FGF14: variants seen among roughly 807,000 people sequenced by gnomAD.
FGF14 encodes fibroblast growth factor homologous factor 4.
A neutral mutation model predicts 25.5 loss-of-function variants in FGF14; 5 were observed. The observed-to-expected ratio is 0.20, with a 90% CI of 0.10 to 0.41. FGF14 has a LOEUF of 0.41. Ranked by LOEUF, FGF14 falls within the 10% of genes least tolerant of loss-of-function variation. The pLI is 1.00. For missense variants in FGF14, 222 were observed against 320.1 expected (o/e 0.69, Z 2.34); for synonymous variants, 138 against 118.3 (o/e 1.17, Z -1.08).
At chr13:102,369,796 T>C (rs1411630864) in intron 1 of FGF14, among the ~76,000 whole-genome samples, 2 of 152,104 alleles carry the variant, frequency 1.3e-5, no homozygotes, top group Non-Finnish European at 2.9e-5. Flanking sequence ...AAATAGTACA[T>C]TGTGTTGTAT....
intron 3 of FGF14, among the ~76,000 whole-genome samples, chr13:101,800,526 A>T (rs1179943267): frequency 6.6e-6 from 1 of 152,204 alleles, no homozygotes; most frequent in East Asian, 1.9e-4. Flanking sequence ...TCAATTATTC[A>T]AAAACAGCAA....
intron 3 of FGF14, among the ~76,000 whole-genome samples, chr13:101,737,102 C>T (rs2036244975): frequency 2.0e-5 from 3 of 148,830 alleles, no homozygotes; most frequent in African/African-American, 7.3e-5. Flanking sequence ...GTGTGGACGG[C>T]CTACTTGATC....
chr13:102,300,028 T>C (rs1229617571), intron 1 of FGF14: 1 of 152,168 alleles, frequency 6.6e-6, no homozygotes, highest in African/African-American at 2.4e-5. Flanking sequence ...AACTGGTATT[T>C]TTAAGCTAAC....
At chr13:102,031,728 G>C (rs2041221151) in intron 1 of FGF14, among the ~76,000 whole-genome samples, 1 of 150,852 alleles carries the variant, frequency 6.6e-6, no homozygotes, top group Non-Finnish European at 1.5e-5. Context: ...AGAGCACTGA[G>C]TCCATAAATG....
At chr13:101,764,875 A>G (rs2038278782) in intron 3 of FGF14, among the ~76,000 whole-genome samples, 1 of 152,216 alleles carries the variant, frequency 6.6e-6, no homozygotes, top group African/African-American at 2.4e-5. Flanking sequence ...GTTGAATTTG[A>G]CCTTGGATGA....
chr13:102,340,530 T>C (rs2056918902), intron 1 of FGF14, among the ~76,000 whole-genome samples: 1 of 152,118 alleles, frequency 6.6e-6, no homozygotes, highest in Admixed American at 6.6e-5. Flanking sequence ...CCCTAAAACC[T>C]TGTGATACAT....
At chr13:101,979,853 T>G (rs1312637908) in intron 1 of FGF14, among the ~76,000 whole-genome samples, 2 of 152,146 alleles carry the variant, frequency 1.3e-5, no homozygotes, top group Non-Finnish European at 2.9e-5. Flanking sequence ...TTCACTTTGA[T>G]GACAATACAG....
At chr13:102,240,399 C>A (rs986674186) in intron 1 of FGF14, among the ~76,000 whole-genome samples, 1 of 152,166 alleles carries the variant, frequency 6.6e-6, no homozygotes, top group Admixed American at 6.5e-5. Context: ...GCAAAGCATG[C>A]TTTCCTTGCC....
At chr13:102,114,284 G>A (rs61966552) in intron 1 of FGF14, among the ~76,000 whole-genome samples, 3,761 of 152,132 alleles carry the variant, frequency 0.025, 73 homozygotes, top group Non-Finnish European at 0.038. Flanking sequence ...TGAGTTGTAG[G>A]AATTTCTTAT....
chr13:101,891,374 C>T (rs2046259127), intron 1 of FGF14, among the ~76,000 whole-genome samples: 1 of 152,114 alleles, frequency 6.6e-6, no homozygotes, highest in South Asian at 2.1e-4. Context: ...AGTGCCATCC[C>T]AGAATACTTT....
intron 1 of FGF14, among the ~76,000 whole-genome samples, chr13:102,172,665 ACT>A (rs2048297896): frequency 1.3e-5 from 2 of 151,938 alleles, no homozygotes; most frequent in African/African-American, 4.8e-5. Flanking sequence ...CTCACTCAGC[ACT>A]CTCTTCATAC....
intron 1 of FGF14, among the ~76,000 whole-genome samples, chr13:101,964,184 ATATAT>A (rs2037042451): frequency 6.6e-6 from 1 of 152,168 alleles, no homozygotes; most frequent in Admixed American, 6.5e-5. Flanking sequence ...AATGTATTAA[ATATAT>A]TAAATTAAGG....
chr13:101,998,004 G>A (rs138022674), intron 1 of FGF14, among the ~76,000 whole-genome samples: 4 of 152,178 alleles, frequency 2.6e-5, no homozygotes, highest in African/African-American at 9.6e-5. Flanking sequence ...GTGTGTGTGC[G>A]TGGCCAGAGC....
intron 1 of FGF14, among the ~76,000 whole-genome samples, chr13:102,092,532 T>A (rs2140249207): frequency 6.6e-6 from 1 of 152,308 alleles, no homozygotes; most frequent in Admixed American, 6.5e-5. Flanking sequence ...CTCATGCTTC[T>A]TTCCACTTGG....
intron 1 of FGF14, among the ~76,000 whole-genome samples, chr13:102,308,645 T>C (rs970040341): frequency 2.6e-5 from 4 of 152,174 alleles, no homozygotes; most frequent in Non-Finnish European, 5.9e-5. Context: ...TCTGAACAAG[T>C]CATTTTACAT....
intron 2 of FGF14, among the ~76,000 whole-genome samples, chr13:101,872,851 T>C (rs1181476844): frequency 6.6e-6 from 1 of 152,068 alleles, no homozygotes; most frequent in Non-Finnish European, 1.5e-5. Flanking sequence ...GACCAGAACT[T>C]TGCACAGGAA....
intron 1 of FGF14, among the ~76,000 whole-genome samples, chr13:102,086,074 A>C (rs1326907105): frequency 1.3e-5 from 2 of 152,246 alleles, no homozygotes; most frequent in Admixed American, 6.5e-5. Context: ...TGTAGGGATT[A>C]ATTAACAGAA....
At chr13:102,378,595 ATATCTATCTATCTATC>A (rs4000839) in intron 1 of FGF14, among the ~76,000 whole-genome samples, 1 of 140,420 alleles carries the variant, frequency 7.1e-6, no homozygotes, top group East Asian at 2.0e-4. Flanking sequence ...ATATATATCT[ATATCTATCTATCTATC>A]TATCTATCTA....
At chr13:102,176,796 T>A (rs530513042) in intron 1 of FGF14, among the ~76,000 whole-genome samples, 3 of 152,158 alleles carry the variant, frequency 2.0e-5, no homozygotes, top group Non-Finnish European at 4.4e-5. Context: ...ACCTTGATCA[T>A]GGTGATGGTT....
Sources: allele counts gnomAD v4.1 joint callset (sites outside exome capture counted in the v4.1 genomes callset), GRCh38; gene constraint gnomAD v4.1.1; transcripts MANE v1.5; gene names NCBI Gene and HGNC (gene_info 2026-07-23, HGNC 2026-07-21).